RUNX1: variants seen among roughly 807,000 people sequenced by gnomAD.
RUNX1 encodes the protein runt-related transcription factor 1.
RUNX1 carries 19 observed loss-of-function variants against 42.8 expected under a neutral mutation model. The ratio of observed to expected loss-of-function variants is 0.44; its 90% CI spans 0.31 to 0.65. The LOEUF is 0.65. Ranked by LOEUF, RUNX1 falls within the 30% of genes least tolerant of loss-of-function variation. The pLI, the probability that RUNX1 is intolerant of heterozygous loss-of-function variation, is 0.07. For missense variants in RUNX1, 528 were observed against 672.0 expected (o/e 0.79, Z 2.37); for synonymous variants, 271 against 289.4 (o/e 0.94, Z 0.64).
At chr21:34,810,606 C>T (rs2056745490) in intron 7 of RUNX1, among the ~76,000 whole-genome samples, 2 of 152,192 alleles carry the variant, frequency 1.3e-5, no homozygotes, top group Admixed American at 1.3e-4. Context: ...AGCTTGGCCC[C>T]TCACTCACAG....
At chr21:34,910,368 A>G (rs1170845541) in intron 2 of RUNX1, among the ~76,000 whole-genome samples, 2 of 151,884 alleles carry the variant, frequency 1.3e-5, no homozygotes, top group South Asian at 4.1e-4. Flanking sequence ...AGCAATGAAG[A>G]TAATTTTCAG....
At chr21:34,799,515 A>T in intron 7 of RUNX1, 53 bp from the exon 8 acceptor site, 1 of 1,513,816 alleles carries the variant, frequency 6.6e-7, no homozygotes, top group Admixed American at 1.7e-5. Context: ...GGATTTAAAA[A>T]ATGTCTTTTA....
At chr21:34,937,498 TTAAA>T (rs1279695161) in intron 2 of RUNX1, among the ~76,000 whole-genome samples, 1 of 152,028 alleles carries the variant, frequency 6.6e-6, no homozygotes, top group East Asian at 1.9e-4. Context: ...TAATAATAAA[TTAAA>T]TAACTATCAA....
chr21:34,923,640 T>C (rs1008583038), intron 2 of RUNX1, among the ~76,000 whole-genome samples: 2 of 152,210 alleles, frequency 1.3e-5, no homozygotes, highest in Admixed American at 1.3e-4. Flanking sequence ...GCTGACCCCA[T>C]ACCTTCTGCT....
At chr21:34,854,879 T>C (rs958553152) in intron 6 of RUNX1, among the ~76,000 whole-genome samples, 14 of 152,294 alleles carry the variant, frequency 9.2e-5, no homozygotes, top group Admixed American at 7.8e-4. Context: ...CCCTCCAGGT[T>C]TGTACTTCCC....
At chr21:34,796,853 G>C (rs1408709588) in intron 8 of RUNX1, among the ~76,000 whole-genome samples, 2 of 152,186 alleles carry the variant, frequency 1.3e-5, no homozygotes, top group Admixed American at 6.5e-5. Context: ...TTTCAGACAA[G>C]GTGTGGAGTC....
At chr21:35,013,422 G>A (rs1193738535) in intron 2 of RUNX1, among the ~76,000 whole-genome samples, 1 of 152,184 alleles carries the variant, frequency 6.6e-6, no homozygotes, top group Non-Finnish European at 1.5e-5. Flanking sequence ...TCACAGCTCT[G>A]CAGACAGGAA....
At chr21:35,026,021 A>G (rs2059233637) in intron 2 of RUNX1, among the ~76,000 whole-genome samples, 5 of 151,856 alleles carry the variant, frequency 3.3e-5, no homozygotes, top group Admixed American at 3.3e-4. Flanking sequence ...CCCAACAATG[A>G]TGGAGACTTT....
chr21:34,824,314 G>C (rs2056956569), intron 7 of RUNX1, among the ~76,000 whole-genome samples: 1 of 152,142 alleles, frequency 6.6e-6, no homozygotes, highest in African/African-American at 2.4e-5. Context: ...AGTGCAAAGA[G>C]AGACAAAAAA....
rs886057048 is a variant in RUNX1 at position 35,049,175 on chromosome 21, C to A, written c.-67G>T. Reference sequence around the variant, plus strand: ...TGGGTTGGTGATGCTCACCACGCTGCGAAACCCTGTGGTTTGCATTCAGTG... The same window carrying A: ...TGGGTTGGTGATGCTCACCACGCTGAGAAACCCTGTGGTTTGCATTCAGTG... On this transcript the variant is annotated 5_prime_UTR_variant, in exon 1 of 9. Transcript: ENST00000675419. The A allele has an allele frequency of 1.3e-5, 6 of 466,002 alleles. No individual in the cohort carries two copies. Among genetic ancestry groups the A allele is most frequent in the African/African-American group, 2.0e-5 (1 of 50,776 alleles). The allele number at this position is 466,002 out of a possible 1,614,324, so 28.9% of individuals were successfully genotyped here. A position where few individuals can be genotyped will look rare whatever the true frequency, so the allele number is the denominator to read the frequency against.
intron 7 of RUNX1, among the ~76,000 whole-genome samples, chr21:34,813,263 A>T (rs535457365): frequency 1.3e-5 from 2 of 152,158 alleles, no homozygotes; most frequent in African/African-American, 2.4e-5. Flanking sequence ...CCTGCCCACA[A>T]GATCAAGCGT....
chr21:35,018,181 A>G (rs766475600), intron 2 of RUNX1, among the ~76,000 whole-genome samples: 1 of 152,110 alleles, frequency 6.6e-6, no homozygotes, highest in African/African-American at 2.4e-5. Flanking sequence ...ACATGCCACC[A>G]TGTCCAGATA....
At chr21:35,045,492 C>T (rs1040482898) in intron 2 of RUNX1, among the ~76,000 whole-genome samples, 2 of 152,154 alleles carry the variant, frequency 1.3e-5, no homozygotes, top group Non-Finnish European at 2.9e-5. Flanking sequence ...CAATACAATG[C>T]AATTGGTATC....
intron 3 of RUNX1, among the ~76,000 whole-genome samples, chr21:34,892,553 A>C (rs1336517114): frequency 6.6e-6 from 1 of 152,212 alleles, no homozygotes; most frequent in Non-Finnish European, 1.5e-5. Context: ...TGCTTAGTAA[A>C]CATTTTACTC....
At chr21:35,048,807 CA>C (rs918958549) in intron 2 of RUNX1, 34 bp downstream of exon 2, 1 of 1,585,314 alleles carries the variant, frequency 6.3e-7, no homozygotes. Context: ...CAAAGCTGAG[CA>C]AAAGTAGATA....
intron 2 of RUNX1, among the ~76,000 whole-genome samples, chr21:34,941,919 G>T (rs2058530083): frequency 6.7e-6 from 1 of 150,374 alleles, no homozygotes; most frequent in East Asian, 2.0e-4. Context: ...TCTCAGTAAT[G>T]CAGAAAACTC....
chr21:35,015,868 CAG>C (rs2059155663), intron 2 of RUNX1, among the ~76,000 whole-genome samples: 2 of 152,202 alleles, frequency 1.3e-5, no homozygotes, highest in East Asian at 3.8e-4. Flanking sequence ...AATGACAGGG[CAG>C]AGAGTTAAGC....
chr21:34,859,920 T>C (rs1013707562), intron 5 of RUNX1, among the ~76,000 whole-genome samples: 2 of 152,232 alleles, frequency 1.3e-5, no homozygotes, highest in Non-Finnish European at 2.9e-5. Flanking sequence ...CCTGCTCCCA[T>C]CTTTCCCAAT....
At chr21:35,013,978 C>A (rs1019883473) in intron 2 of RUNX1, among the ~76,000 whole-genome samples, 1 of 152,054 alleles carries the variant, frequency 6.6e-6, no homozygotes, top group East Asian at 1.9e-4. Flanking sequence ...CAAAGCAGCA[C>A]TTTGAGTATG....
Sources: gnomAD v4.1 joint callset for allele counts (sites outside exome capture counted in the v4.1 genomes callset) on GRCh38, gnomAD v4.1.1 for gene constraint, MANE v1.5 for transcripts, NCBI Gene and HGNC (gene_info 2026-07-23, HGNC 2026-07-21) for gene names.